Variants in PDE11A observed in about 807,000 individuals in gnomAD.
PDE11A encodes the protein dual 3',5'-cyclic-AMP and -GMP phosphodiesterase 11A.
A neutral mutation model predicts 100.5 loss-of-function variants in PDE11A; 100 were observed. That is an observed-to-expected ratio of 1.00 (90% CI 0.85 to 1.18). The LOEUF (loss-of-function observed/expected upper bound fraction) is 1.18, where lower values mean the gene tolerates loss of function less well. Among genes scored for constraint, PDE11A ranks in the 50% most tolerant of loss-of-function variants. PDE11A has a pLI of 0.00. For missense variants in PDE11A, 1,141 were observed against 1,152.6 expected (o/e 0.99, Z 0.15); for synonymous variants, 381 against 420.8 (o/e 0.91, Z 1.16).
chr2:177,706,003 G>C (rs1285528381), intron 13 of PDE11A, among the ~76,000 whole-genome samples: 1 of 152,194 alleles, frequency 6.6e-6, no homozygotes, highest in African/African-American at 2.4e-5. Flanking sequence ...AGAGAAAACA[G>C]GGGAGAGGTG....
chr2:177,629,596 A>G, intron 19 of PDE11A, 34 bp from the exon 20 acceptor site: 1 of 1,611,294 alleles, frequency 6.2e-7, no homozygotes, highest in Non-Finnish European at 8.5e-7. Context: ...CAGGTGGAGG[A>G]GAGAGGAAAC....
intron 2 of PDE11A, among the ~76,000 whole-genome samples, chr2:177,906,923 C>CT (rs1183981389): frequency 6.6e-6 from 1 of 152,150 alleles, no homozygotes; most frequent in African/African-American, 2.4e-5. Flanking sequence ...GAGACAATGA[C>CT]TATAACGGGG....
chr2:177,909,906 C>G (rs189567710), intron 2 of PDE11A, among the ~76,000 whole-genome samples: 21 of 152,300 alleles, frequency 1.4e-4, no homozygotes, highest in Admixed American at 1.3e-3. Context: ...ATTCCCTTAT[C>G]AAGTGCAACT....
chr2:177,654,847 C>T (rs1366149884), intron 19 of PDE11A, among the ~76,000 whole-genome samples: 1 of 152,168 alleles, frequency 6.6e-6, no homozygotes. Flanking sequence ...TTCCTCCCAC[C>T]CTTCCTGCTT....
intron 6 of PDE11A, among the ~76,000 whole-genome samples, chr2:177,833,166 C>G (rs145622186): frequency 5.4e-4 from 82 of 152,258 alleles, no homozygotes; most frequent in Admixed American, 1.8e-3. Flanking sequence ...AGCCAGCCCC[C>G]ACATTTAATC....
chr2:177,631,322 A>AAAAAAAAAC lies in PDE11A; in HGVS notation c.2647-1761_2647-1760insGTTTTTTTT, dbSNP rs1469522170. Among the ~76,000 whole-genome samples the AAAAAAAAAC allele has an allele frequency of 2.0e-3, 33 of 16,876 alleles. 1 individual carries two copies. Among genetic ancestry groups the AAAAAAAAAC allele is most frequent in the Non-Finnish European group, 2.4e-3 (9 of 3,826 alleles). The allele number at this position is 16,876 out of a possible 152,430, so 11.1% of individuals were successfully genotyped here. A position where few individuals can be genotyped will look rare whatever the true frequency, so the allele number is the denominator to read the frequency against. On this transcript the variant is annotated intron_variant, in intron 19 of 19. Coordinates refer to ENST00000286063, the MANE Select transcript of PDE11A (RefSeq NM_016953.4). ...AAAAAAAAAAAAAACAAAAAAAAAA[A>AAAAAAAAAC]CAACCTAGGCGTGGTGGCACATGCC...
chr2:177,673,980 C>G lies in PDE11A; in HGVS notation c.2487+1475G>C, dbSNP rs180742226. Among the ~76,000 whole-genome samples the G allele has an allele frequency of 6.8e-3, 1,035 of 152,212 alleles. 7 individuals carry two copies. The highest frequency in any genetic ancestry group is 0.012 in the Non-Finnish European group (849 of 68,002). ...AGTGGCGCCTGCCAACCCTAGGTGC[C>G]CATGTTCGTGAGCAATTTGTTGTTT... On this transcript the variant is annotated intron_variant, in intron 17 of 19. Coordinates refer to ENST00000286063, the MANE Select transcript of PDE11A (RefSeq NM_016953.4).
At chr2:177,634,388 C>CCT (rs2080002332) in intron 19 of PDE11A, among the ~76,000 whole-genome samples, 1 of 61,088 alleles carries the variant, frequency 1.6e-5, no homozygotes. Flanking sequence ...TTTTCTCTCT[C>CCT]TCTTTTTTTT....
At position 177,794,046 on chromosome 2, in the gene PDE11A, G is replaced by C. The variant is rs141699710; in HGVS notation, c.1737+22783C>G. 3.3e-3 allele frequency among the ~76,000 whole-genome samples: 502 copies of C among 152,248 alleles called. 5 individuals carry two copies. The East Asian group carries it at 0.047, about 14-fold the overall frequency. On this transcript the variant is annotated intron_variant, in intron 9 of 19. Transcript: ENST00000286063. The stretch of plus-strand genomic sequence containing the variant: ...GAGACAAAAATCTCTGCCAGTATGG[G>C]GCTTATGATCTAGAGTGGAGAGAGT...
At chr2:178,015,712 T>C (rs1178602544) in intron 1 of PDE11A, among the ~76,000 whole-genome samples, 1 of 151,876 alleles carries the variant, frequency 6.6e-6, no homozygotes, top group Non-Finnish European at 1.5e-5. Flanking sequence ...ATATCATACC[T>C]TCAACTCACT....
chr2:178,078,947 GACA>G (rs2087249570), intron 2 of PDE11A, among the ~76,000 whole-genome samples: 1 of 152,072 alleles, frequency 6.6e-6, no homozygotes, highest in African/African-American at 2.4e-5. Flanking sequence ...AAGAACAACT[GACA>G]ATACAAGATA....
At chr2:177,710,842 A>G (rs2081348922) in intron 13 of PDE11A, among the ~76,000 whole-genome samples, 1 of 152,230 alleles carries the variant, frequency 6.6e-6, no homozygotes, top group Non-Finnish European at 1.5e-5. Context: ...GTTGACAAAG[A>G]GCAGACTGTG....
At chr2:177,867,545 TG>T (rs1558981936) in intron 5 of PDE11A, among the ~76,000 whole-genome samples, 1 of 151,974 alleles carries the variant, frequency 6.6e-6, no homozygotes, top group Non-Finnish European at 1.5e-5. Flanking sequence ...CTGGCCAAAA[TG>T]GTGAAACCCC....
chr2:177,898,558 T>C (rs915927065), intron 3 of PDE11A, among the ~76,000 whole-genome samples: 9 of 152,318 alleles, frequency 5.9e-5, no homozygotes, highest in Non-Finnish European at 8.8e-5. Context: ...CTCTTGACTA[T>C]AGATTAGCCT....
chr2:178,077,683 G>A (rs898886987), upstream of PDE11A, among the ~76,000 whole-genome samples: 1 of 152,166 alleles, frequency 6.6e-6, no homozygotes, highest in South Asian at 2.1e-4. Flanking sequence ...ACTGGGAAGA[G>A]GGTCTTTGCA....
At chr2:177,994,883 G>A (rs1336710957) in intron 2 of PDE11A, among the ~76,000 whole-genome samples, 1 of 151,768 alleles carries the variant, frequency 6.6e-6, no homozygotes, top group Non-Finnish European at 1.5e-5. Context: ...GTGATAAACA[G>A]GTGTCTTGCA....
intron 6 of PDE11A, among the ~76,000 whole-genome samples, chr2:177,833,106 G>C (rs2083337625): frequency 6.6e-6 from 1 of 151,974 alleles, no homozygotes; most frequent in Non-Finnish European, 1.5e-5. Context: ...TTCTGAGGAG[G>C]CAAGAATTGA....
At chr2:178,078,130 C>A (rs1031218882) in intron 2 of PDE11A, among the ~76,000 whole-genome samples, 1 of 151,948 alleles carries the variant, frequency 6.6e-6, no homozygotes, top group East Asian at 1.9e-4. Flanking sequence ...ACTCTCCAAG[C>A]ATTCTCCCCT....
chr2:177,701,579 G>A (rs541108722), intron 13 of PDE11A, among the ~76,000 whole-genome samples: 9 of 152,248 alleles, frequency 5.9e-5, no homozygotes. Flanking sequence ...ATGTGTTCCA[G>A]GTCCAATCGA....
Sources: allele counts gnomAD v4.1 joint callset (sites outside exome capture counted in the v4.1 genomes callset), GRCh38; gene constraint gnomAD v4.1.1; transcripts MANE v1.5; gene names NCBI Gene and HGNC (gene_info 2026-07-23, HGNC 2026-07-21).